Variants in ARHGAP24 observed in about 807,000 individuals in gnomAD.
ARHGAP24 encodes rho GTPase-activating protein 24.
ARHGAP24 carries 50 observed loss-of-function variants against 76.4 expected under a neutral mutation model. The ratio of observed to expected loss-of-function variants is 0.65; its 90% CI spans 0.52 to 0.83. The LOEUF is 0.83. Ranked by LOEUF, ARHGAP24 falls within the 40% of genes least tolerant of loss-of-function variation. The pLI is 0.00. For synonymous variants in ARHGAP24, 345 were observed against 323.3 expected, an observed-to-expected ratio of 1.07 and a Z score of -0.72; for missense variants, 930 against 914.2, an observed-to-expected ratio of 1.02 and a Z score of -0.22.
chr4:85,480,167 C>G (rs1722754098), intron 1 of ARHGAP24, among the ~76,000 whole-genome samples: 1 of 152,042 alleles, frequency 6.6e-6, no homozygotes, highest in Non-Finnish European at 1.5e-5. Context: ...TACTGAGAGT[C>G]AATATAAAAG....
chr4:85,495,094 CAAAAAAAA>C (rs77619824), intron 1 of ARHGAP24, among the ~76,000 whole-genome samples: 1 of 70,638 alleles, frequency 1.4e-5, no homozygotes, highest in Admixed American at 1.4e-4. Context: ...GACTCCGTCT[CAAAAAAAA>C]AAAAAAAAAA....
Position 85,490,590 on chromosome 4 carries a change from G to A in ARHGAP24, c.-21+15031G>A, listed in dbSNP as rs148941033. ...ATTGATTTTAATAAGAGGCAGGGAA[G>A]CATCATTATTGTCTGACCATTAAGA... On this transcript the variant is annotated intron_variant, in intron 1 of 9. Coordinates refer to ENST00000395184, the MANE Select transcript of ARHGAP24 (RefSeq NM_001025616.3). Among the ~76,000 whole-genome samples the A allele has an allele frequency of 4.3e-3, 649 of 152,282 alleles. 3 individuals are homozygous for A. The highest frequency in any genetic ancestry group is 0.015 in the African/African-American group (611 of 41,558).
At position 85,655,311 on chromosome 4, in the gene ARHGAP24, C is replaced by A. The variant is rs534152165; in HGVS notation, c.181-66574C>A. Among the ~76,000 whole-genome samples, 6 of 152,226 alleles carry A rather than the reference C, an allele frequency of 3.9e-5. No homozygotes were observed. The East Asian group carries it at 9.7e-4, about 24-fold the overall frequency. ...CATTTAACTAGATGTATTATGCAATCATATTAATTTAGTACTATTATTGAA... is the reference window on the plus strand; with the variant it reads ...CATTTAACTAGATGTATTATGCAATAATATTAATTTAGTACTATTATTGAA... On this transcript the variant is annotated intron_variant, in intron 2 of 9. Coordinates refer to ENST00000395184, the MANE Select transcript of ARHGAP24 (RefSeq NM_001025616.3).
intron 3 of ARHGAP24, among the ~76,000 whole-genome samples, chr4:85,903,398 T>C (rs553804520): frequency 3.9e-5 from 6 of 152,278 alleles, no homozygotes; most frequent in Admixed American, 6.5e-5. Context: ...AAAAATCTTA[T>C]AGTTTGTTCA....
At chr4:85,768,979 CAG>C (rs1727029496) in intron 3 of ARHGAP24, among the ~76,000 whole-genome samples, 1 of 152,038 alleles carries the variant, frequency 6.6e-6, no homozygotes, top group Non-Finnish European at 1.5e-5. Flanking sequence ...GGAATGATAA[CAG>C]AGACACTGCA....
chr4:85,980,198 CT>C (rs1739572853), intron 8 of ARHGAP24, among the ~76,000 whole-genome samples: 1 of 152,112 alleles, frequency 6.6e-6, no homozygotes. Flanking sequence ...TGTTTCTAGT[CT>C]TTTTAGTGGG....
intron 3 of ARHGAP24, among the ~76,000 whole-genome samples, chr4:85,752,786 C>T (rs971032330): frequency 6.6e-6 from 1 of 152,136 alleles, no homozygotes; most frequent in Non-Finnish European, 1.5e-5. Flanking sequence ...TTGTGTGTTA[C>T]GAGAGAAGAC....
At chr4:85,691,135 T>C (rs1488374638) in intron 2 of ARHGAP24, among the ~76,000 whole-genome samples, 1 of 152,232 alleles carries the variant, frequency 6.6e-6, no homozygotes, top group Non-Finnish European at 1.5e-5. Flanking sequence ...TTGTTTAATT[T>C]CCATGTAATT....
rs1731616143 is a variant in ARHGAP24, at chr4:85,857,014, GAT to G, written c.269-66632_269-66631del. On this transcript the variant is annotated intron_variant, in intron 3 of 9. Coordinates refer to ENST00000395184, the MANE Select transcript of ARHGAP24 (RefSeq NM_001025616.3). Reference sequence around the variant, plus strand: ...TGTATTTATTATTTCCTCATTGATGGATACATAGATTGTTTCCATTTTTGTTG... The same window carrying G: ...TGTATTTATTATTTCCTCATTGATGGACATAGATTGTTTCCATTTTTGTTG... 2.0e-5 allele frequency among the ~76,000 whole-genome samples: 3 copies of G among 152,054 alleles called. No homozygotes were observed. The South Asian group carries it at 6.2e-4, about 32-fold the overall frequency.
intron 2 of ARHGAP24, among the ~76,000 whole-genome samples, chr4:85,597,013 T>C (rs1026483063): frequency 6.6e-6 from 1 of 152,086 alleles, no homozygotes; most frequent in African/African-American, 2.4e-5. Context: ...GAACAATAAG[T>C]AACAGATTCA....
chr4:85,576,429 C>CAA (rs397949039), intron 2 of ARHGAP24, among the ~76,000 whole-genome samples: 8 of 124,418 alleles, frequency 6.4e-5, no homozygotes, highest in Admixed American at 4.1e-4. Context: ...GACTCCATCT[C>CAA]AAAAAAAAAA....
At chr4:85,606,907 G>T (rs1720214333) in intron 2 of ARHGAP24, among the ~76,000 whole-genome samples, 3 of 152,198 alleles carry the variant, frequency 2.0e-5, no homozygotes, top group African/African-American at 7.2e-5. Context: ...ATGAAGAATT[G>T]CCAGAGAAAG....
chr4:85,714,401 T>G (rs917708572), intron 2 of ARHGAP24, among the ~76,000 whole-genome samples: 1 of 152,108 alleles, frequency 6.6e-6, no homozygotes, highest in African/African-American at 2.4e-5. Flanking sequence ...CACTTTAAAA[T>G]TAAATGAGCC....
At chr4:85,560,877 C>T (rs1027707738) in intron 1 of ARHGAP24, among the ~76,000 whole-genome samples, 10 of 152,118 alleles carry the variant, frequency 6.6e-5, no homozygotes, top group Non-Finnish European at 1.3e-4. Context: ...GCATTTGTGT[C>T]TAGTAACAAC....
intron 2 of ARHGAP24, among the ~76,000 whole-genome samples, chr4:85,583,025 C>T (rs547521572): frequency 4.6e-5 from 7 of 152,162 alleles, no homozygotes; most frequent in African/African-American, 1.7e-4. Flanking sequence ...ATGTTGCATT[C>T]CACACAGCTG....
At chr4:85,817,164 A>G (rs1729274081) in intron 3 of ARHGAP24, among the ~76,000 whole-genome samples, 1 of 152,078 alleles carries the variant, frequency 6.6e-6, no homozygotes, top group South Asian at 2.1e-4. Context: ...TATTTTGTAC[A>G]TTAGCTCCTT....
At chr4:85,488,735 T>C (rs1723246214) in intron 1 of ARHGAP24, among the ~76,000 whole-genome samples, 2 of 152,216 alleles carry the variant, frequency 1.3e-5, no homozygotes, top group South Asian at 2.1e-4. Context: ...AATTGCCTCT[T>C]CTGCTTTGCA....
intron 5 of ARHGAP24, among the ~76,000 whole-genome samples, chr4:85,946,141 G>A (rs1190903538): frequency 1.3e-5 from 2 of 152,168 alleles, no homozygotes; most frequent in Admixed American, 6.5e-5. Context: ...AGAACAGCAT[G>A]AGAAAGACCT....
intron 2 of ARHGAP24, among the ~76,000 whole-genome samples, chr4:85,589,427 A>G (rs1727995330): frequency 1.3e-5 from 2 of 152,184 alleles, no homozygotes; most frequent in Admixed American, 6.5e-5. Flanking sequence ...AAAAAACACA[A>G]CTTGCCAGAG....
Sources: allele counts gnomAD v4.1 joint callset (sites outside exome capture counted in the v4.1 genomes callset), GRCh38; gene constraint gnomAD v4.1.1; transcripts MANE v1.5; gene names NCBI Gene and HGNC (gene_info 2026-07-23, HGNC 2026-07-21).